RGS7: variants seen among roughly 807,000 people sequenced by gnomAD.
The protein encoded by RGS7 is regulator of G protein signaling 7.
Under a neutral mutation model 81.1 loss-of-function variants are expected in RGS7, and 27 were observed. The ratio of observed to expected loss-of-function variants is 0.33; its 90% CI spans 0.25 to 0.46. The LOEUF (loss-of-function observed/expected upper bound fraction) is 0.46. RGS7 is among the 20% of genes least tolerant of loss of function. The probability of loss-of-function intolerance (pLI) is 1.00; values close to 1 mark genes in which losing one functional copy is unlikely to be tolerated. For missense variants in RGS7, 396 were observed against 607.4 expected (o/e 0.65, Z 3.66); for synonymous variants, 208 against 207.7 (o/e 1.00, Z -0.01).
At chr1:241,157,375 G>C (rs1451828831) in intron 2 of RGS7, among the ~76,000 whole-genome samples, 1 of 152,170 alleles carries the variant, frequency 6.6e-6, no homozygotes, top group Non-Finnish European at 1.5e-5. Flanking sequence ...GAAACCTTTG[G>C]AATAGGCAAG....
intron 9 of RGS7, among the ~76,000 whole-genome samples, chr1:240,854,194 T>A (rs1227154039): frequency 6.6e-6 from 1 of 152,146 alleles, no homozygotes; most frequent in Non-Finnish European, 1.5e-5. Context: ...CAGGCATTAA[T>A]TGCACGTGCA....
intron 6 of RGS7, among the ~76,000 whole-genome samples, chr1:240,880,910 T>C (rs913342332): frequency 6.6e-6 from 1 of 152,228 alleles, no homozygotes; most frequent in Admixed American, 6.5e-5. Context: ...TTTCTTTTTA[T>C]TCTTTGCAGG....
chr1:240,957,232 G>A (rs148639093), intron 4 of RGS7, among the ~76,000 whole-genome samples: 6,019 of 152,214 alleles, frequency 0.04, 188 homozygotes, highest in Non-Finnish European at 0.057. Flanking sequence ...TTTCTCCCAC[G>A]CTGGATGCTT....
At chr1:241,017,276 T>C (rs906929703) in intron 3 of RGS7, among the ~76,000 whole-genome samples, 6 of 152,100 alleles carry the variant, frequency 3.9e-5, no homozygotes, top group Admixed American at 3.9e-4. Context: ...ACCCCGTCTC[T>C]ACTAAAATAC....
intron 2 of RGS7, among the ~76,000 whole-genome samples, chr1:241,336,435 A>C (rs2082249423): frequency 6.6e-6 from 1 of 152,348 alleles, no homozygotes; most frequent in Middle Eastern, 3.4e-3. Flanking sequence ...AACTAAGAGA[A>C]GGATAATCCC....
rs1676693884 is a variant in RGS7, at chr1:240,936,722, A to G, written c.227-16T>C. ...AGCGCCTCCACTGTTTTATGAAAACAAACAAAGAACATAAAAAAGCCTTTT... is the reference window on the plus strand; with the variant it reads ...AGCGCCTCCACTGTTTTATGAAAACGAACAAAGAACATAAAAAAGCCTTTT... On this transcript the variant is annotated splice_polypyrimidine_tract_variant and intron_variant, in intron 4 of 18. Coordinates refer to ENST00000440928, the MANE Select transcript of RGS7 (RefSeq NM_001364886.1). 2 of 1,585,474 alleles carry G rather than the reference A, an allele frequency of 1.3e-6. No homozygotes were observed. The highest frequency in any genetic ancestry group is 1.1e-5 in the South Asian group (1 of 90,518).
intron 6 of RGS7, among the ~76,000 whole-genome samples, chr1:240,891,320 TTAGTG>T (rs1408997286): frequency 6.6e-6 from 1 of 152,196 alleles, no homozygotes; most frequent in Non-Finnish European, 1.5e-5. Flanking sequence ...TATCAGTTCT[TTAGTG>T]AAGTGTAATG....
At chr1:240,814,818 A>AT in intron 11 of RGS7, 41 bp from the exon 12 acceptor site, 1 of 1,191,102 alleles carries the variant, frequency 8.4e-7, no homozygotes. Flanking sequence ...AAGTAATGAC[A>AT]TTTTCACAAT....
chr1:240,976,531 G>A (rs1028262869), intron 4 of RGS7, among the ~76,000 whole-genome samples: 4 of 152,122 alleles, frequency 2.6e-5, no homozygotes, highest in South Asian at 2.1e-4. Flanking sequence ...ATTACTCTTC[G>A]TAATGTGGGT....
At chr1:241,110,173 C>T (rs979255467) in intron 2 of RGS7, among the ~76,000 whole-genome samples, 3 of 152,100 alleles carry the variant, frequency 2.0e-5, no homozygotes, top group African/African-American at 7.2e-5. Flanking sequence ...CTTTTTACAA[C>T]CTTTTAAATT....
At chr1:241,242,204 C>T (rs779532680) in intron 2 of RGS7, among the ~76,000 whole-genome samples, 5 of 152,074 alleles carry the variant, frequency 3.3e-5, no homozygotes, top group South Asian at 4.2e-4. Context: ...ACACAATGTT[C>T]GGCTTTCCAT....
At chr1:240,873,282 G>C (rs1423827596) in intron 6 of RGS7, among the ~76,000 whole-genome samples, 1 of 152,020 alleles carries the variant, frequency 6.6e-6, no homozygotes, top group African/African-American at 2.4e-5. Context: ...ATCAACTAAT[G>C]ATGCCATTTT....
intron 18 of RGS7, among the ~76,000 whole-genome samples, chr1:240,784,502 C>A (rs1348783085): frequency 2.0e-5 from 3 of 151,032 alleles, no homozygotes; most frequent in Non-Finnish European, 3.0e-5. Context: ...AAGAATTAGC[C>A]GGGCGTGGTG....
At chr1:241,195,845 TG>T (rs1444024570) in intron 2 of RGS7, among the ~76,000 whole-genome samples, 1 of 152,022 alleles carries the variant, frequency 6.6e-6, no homozygotes, top group Non-Finnish European at 1.5e-5. Context: ...GCAAAATTTA[TG>T]GGACAGGTAC....
chr1:241,207,248 T>TCTCTCTCTC (rs1558189270), intron 2 of RGS7, among the ~76,000 whole-genome samples: 12 of 149,908 alleles, frequency 8.0e-5, no homozygotes, highest in Admixed American at 2.0e-4. Flanking sequence ...GTTTCTTTCT[T>TCTCTCTCTC]TCTCTCTCTC....
chr1:241,276,639 A>G (rs757491427), intron 2 of RGS7, among the ~76,000 whole-genome samples: 5 of 152,220 alleles, frequency 3.3e-5, no homozygotes, highest in South Asian at 4.1e-4. Context: ...ACGTCCAGAC[A>G]ATCAGGGTGT....
chr1:240,943,541 G>T (rs1189457254), intron 4 of RGS7, among the ~76,000 whole-genome samples: 2 of 152,166 alleles, frequency 1.3e-5, no homozygotes, highest in Non-Finnish European at 2.9e-5. Flanking sequence ...AACATTAGTA[G>T]CTAGTGTTGC....
chr1:241,347,415 C>T (rs989122664), intron 2 of RGS7, among the ~76,000 whole-genome samples: 8 of 152,112 alleles, frequency 5.3e-5, no homozygotes, highest in Non-Finnish European at 1.5e-5. Flanking sequence ...GGGCTATCAC[C>T]CTCCTTTAAA....
At chr1:241,278,523 C>A (rs975645066) in intron 2 of RGS7, among the ~76,000 whole-genome samples, 1 of 152,170 alleles carries the variant, frequency 6.6e-6, no homozygotes, top group African/African-American at 2.4e-5. Context: ...AGGTTCTTTG[C>A]GGTGCAGAGT....
Sources: gnomAD v4.1 joint callset for allele counts (sites outside exome capture counted in the v4.1 genomes callset) on GRCh38, gnomAD v4.1.1 for gene constraint, MANE v1.5 for transcripts, NCBI Gene and HGNC (gene_info 2026-07-23, HGNC 2026-07-21) for gene names.